The following TAFA2 variants were observed in gnomAD, a reference collection of about 807,000 sequenced individuals.
TAFA2 encodes TAFA chemokine like family member 2.
Under a neutral mutation model 18.8 loss-of-function variants are expected in TAFA2, and 7 were observed. The observed-to-expected ratio is 0.37, with a 90% CI of 0.21 to 0.70. The LOEUF is 0.70. Ranked by LOEUF, TAFA2 falls within the 30% of genes least tolerant of loss-of-function variation. TAFA2 has a pLI of 0.53. For synonymous variants in TAFA2, 60 were observed against 54.2 expected (o/e 1.11, Z -0.47); for missense variants, 122 against 158.1 (o/e 0.77, Z 1.23).
intron 2 of TAFA2, among the ~76,000 whole-genome samples, chr12:61,861,624 C>T (rs2884858): frequency 0.28 from 42,669 of 151,892 alleles, 6,565 homozygotes; most frequent in South Asian, 0.39. Flanking sequence ...ATATATTTCA[C>T]GGATAGTTGG....
At chr12:61,719,692 ATGAAT>A (rs1338315487) in intron 4 of TAFA2, among the ~76,000 whole-genome samples, 1 of 152,128 alleles carries the variant, frequency 6.6e-6, no homozygotes, top group Non-Finnish European at 1.5e-5. Flanking sequence ...CATGGTCTCT[ATGAAT>A]TGATTTTGTT....
At chr12:61,766,743 G>T (rs1452777456) in intron 2 of TAFA2, among the ~76,000 whole-genome samples, 2 of 151,978 alleles carry the variant, frequency 1.3e-5, no homozygotes, top group Admixed American at 6.6e-5. Context: ...TTACTACAAG[G>T]GTTCTCAAAA....
intron 1 of TAFA2, among the ~76,000 whole-genome samples, chr12:62,197,878 T>C (rs1437778537): frequency 6.6e-6 from 1 of 152,196 alleles, no homozygotes; most frequent in Non-Finnish European, 1.5e-5. Context: ...TTACTTCTAG[T>C]TTGGGGATAT....
chr12:61,920,391 A>C (rs545725210), intron 1 of TAFA2, among the ~76,000 whole-genome samples: 60 of 152,300 alleles, frequency 3.9e-4, no homozygotes, highest in East Asian at 3.9e-4. Context: ...CTCCCAGGGA[A>C]GTTTTAAGGC....
intron 1 of TAFA2, among the ~76,000 whole-genome samples, chr12:61,968,043 AC>A (rs1438152256): frequency 6.6e-6 from 1 of 151,794 alleles, no homozygotes; most frequent in Non-Finnish European, 1.5e-5. Context: ...ACCACATTTT[AC>A]TATCATTTAC....
intron 2 of TAFA2, chr12:61,827,237 T>A (rs911283787): frequency 1.2e-4 from 18 of 152,006 alleles, no homozygotes; most frequent in African/African-American, 3.9e-4. Flanking sequence ...AAGAGAGAAT[T>A]CTTCACACTT....
At chr12:62,089,410 A>G (rs1255436099) in intron 1 of TAFA2, among the ~76,000 whole-genome samples, 2 of 152,042 alleles carry the variant, frequency 1.3e-5, no homozygotes, top group Non-Finnish European at 2.9e-5. Context: ...TTCGAATATT[A>G]CCCTAAATAG....
In TAFA2 at chr12:61,710,414, T is replaced by C; in HGVS notation, c.388A>G (p.Thr130Ala). The C allele has an allele frequency of 6.2e-7, 1 of 1,607,448 alleles. No individual in the cohort carries two copies. The highest frequency in any genetic ancestry group is 8.5e-7 in the Non-Finnish European group (1 of 1,174,260). The change falls in exon 5 of 5, where the codon ACC becomes GCC. Residue 130 changes from threonine to alanine, a missense_variant. Thr to Ala is a moderately conservative substitution (Grantham distance 58). This residue lies in a region of TAFA2 where 60 missense variants were observed against 102.7 expected (regional missense o/e 0.58). Transcript: ENST00000416284. ...ACTTGATTTCTCCTGGGTTAATGGG[T>C]TACCTACAAAGGAAGGAGAAAATAT... ...SGNKVKTTRVTH is the reference protein window; with the variant it reads ...SGNKVKTTRVAH
intron 1 of TAFA2, among the ~76,000 whole-genome samples, chr12:61,907,686 C>T (rs1876419917): frequency 6.6e-6 from 1 of 152,128 alleles, no homozygotes; most frequent in African/African-American, 2.4e-5. Context: ...ATGGTATCCA[C>T]CGACAGTTGT....
intron 1 of TAFA2, among the ~76,000 whole-genome samples, chr12:62,181,832 C>T (rs1565772432): frequency 6.6e-6 from 1 of 152,036 alleles, no homozygotes; most frequent in Admixed American, 6.5e-5. Context: ...TTCAAACTTC[C>T]TAAATCATAA....
chr12:61,878,613 G>C (rs1028976926), intron 1 of TAFA2, among the ~76,000 whole-genome samples: 2 of 152,150 alleles, frequency 1.3e-5, no homozygotes, highest in African/African-American at 2.4e-5. Context: ...TAAATAAATA[G>C]ATGGAAGAAA....
intron 1 of TAFA2, among the ~76,000 whole-genome samples, chr12:62,132,072 CAA>C (rs34482662): frequency 5.4e-4 from 71 of 131,168 alleles, no homozygotes; most frequent in African/African-American, 9.3e-4. Context: ...TGAATCAAGT[CAA>C]AAAAAAAAAA....
intron 1 of TAFA2, among the ~76,000 whole-genome samples, chr12:62,093,291 A>G (rs550383063): frequency 7.0e-4 from 107 of 152,132 alleles, no homozygotes; most frequent in East Asian, 1.7e-3. Flanking sequence ...AGCAATTTAC[A>G]AGTTTTTATT....
At chr12:62,240,885 T>A (rs1245655960) in intron 1 of TAFA2, among the ~76,000 whole-genome samples, 1 of 152,106 alleles carries the variant, frequency 6.6e-6, no homozygotes, top group Non-Finnish European at 1.5e-5. Flanking sequence ...GAACGGTGCA[T>A]GGGAGGGATC....
rs531326310 is a variant in TAFA2 at position 61,738,244 on chromosome 12, A to G, written c.384+15378T>C. Among the ~76,000 whole-genome samples the G allele has an allele frequency of 7.3e-5, 11 of 151,464 alleles. No individual in the cohort carries two copies. In the South Asian group the frequency reaches 2.3e-3, roughly 32 times the overall value. ...AACCACTCCAGGCTAACCTCATCTA[A>G]AATTGCAACAGGCAAACAACTACAA... On this transcript the variant is annotated intron_variant, in intron 4 of 4. Transcript: ENST00000416284.
intron 2 of TAFA2, among the ~76,000 whole-genome samples, chr12:61,779,762 G>A (rs1027132392): frequency 1.3e-5 from 2 of 151,804 alleles, no homozygotes; most frequent in African/African-American, 4.8e-5. Flanking sequence ...AGCTGCGATA[G>A]TATATGCTGG....
intron 1 of TAFA2, among the ~76,000 whole-genome samples, chr12:62,045,464 TG>T (rs1419311347): frequency 6.6e-6 from 1 of 152,150 alleles, no homozygotes; most frequent in Non-Finnish European, 1.5e-5. Flanking sequence ...GTGACCTCCC[TG>T]GGGGAGATGT....
At chr12:61,770,101 G>A (rs1217849469) in intron 2 of TAFA2, among the ~76,000 whole-genome samples, 2 of 151,900 alleles carry the variant, frequency 1.3e-5, no homozygotes, top group Non-Finnish European at 2.9e-5. Flanking sequence ...AAATACACTG[G>A]AAAATCTCAG....
chr12:62,246,849 ATGT>A (rs1158304867), intron 1 of TAFA2, among the ~76,000 whole-genome samples: 1 of 152,138 alleles, frequency 6.6e-6, no homozygotes, highest in African/African-American at 2.4e-5. Flanking sequence ...TTTGCCTGGC[ATGT>A]TGTTTTCTAT....
Sources: allele counts gnomAD v4.1 joint callset (sites outside exome capture counted in the v4.1 genomes callset), GRCh38; gene constraint gnomAD v4.1.1; regional missense constraint gnomAD v4.1.1; transcripts MANE v1.5; gene names NCBI Gene and HGNC (gene_info 2026-07-23, HGNC 2026-07-21).